XPR1: variants seen among roughly 807,000 people sequenced by gnomAD.
XPR1 encodes xenotropic and polytropic retrovirus receptor 1, also known as solute carrier family 53 member 1.
In XPR1, 28 loss-of-function variants were observed where a neutral mutation model predicts 87.5. The ratio of observed to expected loss-of-function variants is 0.32; its 90% confidence interval spans 0.24 to 0.44. The LOEUF is 0.44. XPR1 is among the 20% of genes least tolerant of loss of function. The pLI is 1.00. For missense variants in XPR1, 559 were observed against 862.3 expected, an observed-to-expected ratio of 0.65 and a Z score of 4.41; for synonymous variants, 300 against 306.1, an observed-to-expected ratio of 0.98 and a Z score of 0.21.
At chr1:180,749,004 G>C (rs1647405902) in intron 2 of XPR1, among the ~76,000 whole-genome samples, 1 of 152,230 alleles carries the variant, frequency 6.6e-6, no homozygotes, top group Non-Finnish European at 1.5e-5. Flanking sequence ...TTTGAGACCA[G>C]CCTGGGTAAT....
At chr1:180,657,554 C>G (rs1411104053) in intron 1 of XPR1, among the ~76,000 whole-genome samples, 2 of 152,160 alleles carry the variant, frequency 1.3e-5, no homozygotes, top group Non-Finnish European at 2.9e-5. Context: ...ATTGTCCTTT[C>G]TCCAATGTAT....
chr1:180,658,689 C>T (rs1381006227), intron 1 of XPR1, among the ~76,000 whole-genome samples: 7 of 151,570 alleles, frequency 4.6e-5, no homozygotes, highest in African/African-American at 1.2e-4. Context: ...CTCAGCCTCC[C>T]GAGAAGCTGG....
At chr1:180,822,365 T>G (rs1311852840) in intron 7 of XPR1, among the ~76,000 whole-genome samples, 2 of 152,216 alleles carry the variant, frequency 1.3e-5, no homozygotes, top group Non-Finnish European at 2.9e-5. Context: ...CTTTGTTCTC[T>G]ATTTCCTTAA....
chr1:180,829,267 G>C (rs201757679), intron 9 of XPR1, among the ~76,000 whole-genome samples: 2 of 152,104 alleles, frequency 1.3e-5, no homozygotes, highest in Non-Finnish European at 2.9e-5. Flanking sequence ...TGGCTTTTTT[G>C]TGTAGGTGGT....
intron 1 of XPR1, among the ~76,000 whole-genome samples, chr1:180,658,290 G>C (rs927932229): frequency 6.6e-6 from 1 of 152,046 alleles, no homozygotes; most frequent in African/African-American, 2.4e-5. Context: ...TCTTTCTCTT[G>C]TCTGATTGCT....
At chr1:180,828,209 G>C (rs1281240589) in intron 9 of XPR1, among the ~76,000 whole-genome samples, 1 of 151,952 alleles carries the variant, frequency 6.6e-6, no homozygotes, top group African/African-American at 2.4e-5. Flanking sequence ...AAGCACATAG[G>C]TCATAATGGT....
chr1:180,704,245 GAT>G (rs35751561), intron 2 of XPR1, among the ~76,000 whole-genome samples: 848 of 65,984 alleles, frequency 0.013, 15 homozygotes, highest in African/African-American at 0.033. Flanking sequence ...ATAGGTGCTG[GAT>G]ATATATATAT....
chr1:180,850,677 G>A (rs1651835178), intron 11 of XPR1, among the ~76,000 whole-genome samples: 1 of 152,078 alleles, frequency 6.6e-6, no homozygotes, highest in South Asian at 2.1e-4. Flanking sequence ...TAGAATCCTG[G>A]CCAGGCATGG....
intron 2 of XPR1, among the ~76,000 whole-genome samples, chr1:180,769,042 G>A (rs1648397427): frequency 6.6e-6 from 1 of 151,858 alleles, no homozygotes. Flanking sequence ...TTCTCAAATT[G>A]TCTGCAGCAA....
intron 2 of XPR1, among the ~76,000 whole-genome samples, chr1:180,762,096 G>A (rs918093811): frequency 6.0e-5 from 8 of 134,432 alleles, no homozygotes; most frequent in African/African-American, 2.2e-4. Flanking sequence ...ACAGGAAGGG[G>A]ATCATCACAC....
Position 180,632,191 on chromosome 1 carries a change from G to T in XPR1, c.-11G>T. On this transcript the variant is annotated 5_prime_UTR_variant, in exon 1 of 15. Transcript: ENST00000367590. Reference sequence around the variant, plus strand: ...GCTGGACCCGAGTGGGAGTGAGGGGGAAACGGCAGGATGAAGTTCGCCGAG... The same window carrying T: ...GCTGGACCCGAGTGGGAGTGAGGGGTAAACGGCAGGATGAAGTTCGCCGAG... The T allele has an allele frequency of 4.4e-6, 7 of 1,604,362 alleles. No individual in the cohort carries two copies. The highest frequency in any genetic ancestry group is 1.1e-5 in the South Asian group (1 of 89,492).
intron 1 of XPR1, among the ~76,000 whole-genome samples, chr1:180,652,234 G>A (rs1209880411): frequency 6.6e-6 from 1 of 152,126 alleles, no homozygotes; most frequent in East Asian, 1.9e-4. Flanking sequence ...GGAGGTTGCA[G>A]TGAGCTGAGA....
chr1:180,856,939 C>G (rs1652051408), intron 11 of XPR1, among the ~76,000 whole-genome samples: 1 of 152,144 alleles, frequency 6.6e-6, no homozygotes, highest in South Asian at 2.1e-4. Flanking sequence ...TGTGCCTAAT[C>G]TAAATCGAAA....
At chr1:180,718,602 A>G (rs1658076070) in intron 2 of XPR1, among the ~76,000 whole-genome samples, 1 of 152,124 alleles carries the variant, frequency 6.6e-6, no homozygotes, top group South Asian at 2.1e-4. Context: ...TTAAAAAACA[A>G]AAATCTTGGA....
chr1:180,694,805 C>A (rs1251749962), intron 2 of XPR1, among the ~76,000 whole-genome samples: 1 of 143,972 alleles, frequency 6.9e-6, no homozygotes, highest in Non-Finnish European at 1.5e-5. Flanking sequence ...ACACACACAC[C>A]ATGTTTTCTT....
intron 9 of XPR1, 148 bp downstream of exon 9, chr1:180,825,492 A>C (rs555948082): frequency 1.4e-6 from 1 of 739,050 alleles, no homozygotes; most frequent in Non-Finnish European, 2.0e-6. Context: ...GGGAAAAAGT[A>C]CTCACGTATA....
intron 2 of XPR1, among the ~76,000 whole-genome samples, chr1:180,753,252 T>C (rs546829795): frequency 3.9e-5 from 6 of 152,268 alleles, no homozygotes; most frequent in Non-Finnish European, 8.8e-5. Context: ...AAAGTACTTG[T>C]TAAGGCAATC....
chr1:180,717,509 T>C (rs955067846), intron 2 of XPR1, among the ~76,000 whole-genome samples: 1 of 152,190 alleles, frequency 6.6e-6, no homozygotes, highest in Admixed American at 6.5e-5. Context: ...GTGTTTTTTT[T>C]CTGAACATGT....
Position 180,836,094 on chromosome 1 carries a change from C to T in XPR1, c.1307-428C>T, listed in dbSNP as rs137925998. Among the ~76,000 whole-genome samples the T allele has an allele frequency of 1.9e-3, 296 of 152,250 alleles. 8 individuals are homozygous for T. In the East Asian group the frequency reaches 0.027, roughly 14 times the overall value. On this transcript the variant is annotated intron_variant, in intron 10 of 14. Coordinates refer to ENST00000367590, the MANE Select transcript of XPR1 (RefSeq NM_004736.4). ...TGAGAATAGACTGGGCGCAGTGGCT[C>T]ACACCTGTAATCCTAGCAGTGTAGG... is the stretch of plus-strand genomic sequence containing the variant.
Sources: gnomAD v4.1 joint callset for allele counts (sites outside exome capture counted in the v4.1 genomes callset) on GRCh38, gnomAD v4.1.1 for gene constraint, MANE v1.5 for transcripts, NCBI Gene and HGNC (gene_info 2026-07-23, HGNC 2026-07-21) for gene names.